ARHGAP17: variants seen among roughly 807,000 people sequenced by gnomAD.
ARHGAP17 encodes rho GTPase-activating protein 17.
ARHGAP17 carries 57 observed loss-of-function variants against 99.5 expected under a neutral mutation model. The observed-to-expected ratio is 0.57, with a 90% CI of 0.46 to 0.71. The LOEUF is 0.71. Ranked by LOEUF, ARHGAP17 falls within the 30% of genes least tolerant of loss-of-function variation. The pLI, the probability that ARHGAP17 is intolerant of heterozygous loss-of-function variation, is 0.00. For synonymous variants in ARHGAP17, 417 were observed against 429.6 expected, an observed-to-expected ratio of 0.97 and a Z score of 0.36; for missense variants, 1,000 against 1,122.4, an observed-to-expected ratio of 0.89 and a Z score of 1.56.
chr16:24,920,815 T>A (rs1383215603), intron 19 of ARHGAP17: 3 of 152,776 alleles, frequency 2.0e-5, no homozygotes, highest in Non-Finnish European at 4.4e-5. Context: ...CTCCTGTACA[T>A]CACAGATCAC....
At chr16:24,999,724 C>T (rs1597481591) in intron 1 of ARHGAP17, among the ~76,000 whole-genome samples, 1 of 152,196 alleles carries the variant, frequency 6.6e-6, no homozygotes, top group South Asian at 2.1e-4. Context: ...CACCTACAGG[C>T]TATCTTTTAT....
intron 7 of ARHGAP17, among the ~76,000 whole-genome samples, chr16:24,961,515 A>G: frequency 7.4e-6 from 1 of 135,258 alleles, no homozygotes; most frequent in African/African-American, 2.9e-5. Context: ...AAAAAAAAAA[A>G]AAATTTTTTT....
intron 1 of ARHGAP17, among the ~76,000 whole-genome samples, chr16:24,993,210 ATT>A (rs1337259764): frequency 2.6e-5 from 4 of 152,134 alleles, no homozygotes; most frequent in Admixed American, 1.3e-4. Flanking sequence ...TTTATACATT[ATT>A]TTCTGTTATG....
chr16:24,967,359 G>T (rs996981050), intron 6 of ARHGAP17, among the ~76,000 whole-genome samples: 3 of 152,204 alleles, frequency 2.0e-5, no homozygotes, highest in African/African-American at 4.8e-5. Context: ...GGGAGCAACT[G>T]GGTTGCAGCA....
rs1597362575 is a variant in ARHGAP17 at position 24,930,922 on chromosome 16, T to C, written c.2377A>G (p.Thr793Ala). The C allele has an allele frequency of 6.2e-7, 1 of 1,613,854 alleles. No individual in the cohort carries two copies. Among genetic ancestry groups the C allele is most frequent in the East Asian group, 2.2e-5 (1 of 44,864 alleles). The change falls in exon 19 of 20, where the codon ACC (threonine) becomes GCC (alanine). Residue 793 changes from threonine to alanine, a missense_variant. Transcript: ENST00000289968. ...GGTACTGGTCTCGGTCTCGGTAAGG[T>C]TCCAGCATGTGGCTGTGCAGTTTCA... ...NPETAQPHAG[T>A]LPRPRPVPKP...
intron 3 of ARHGAP17, among the ~76,000 whole-genome samples, chr16:24,972,365 C>T (rs1202920603): frequency 6.6e-6 from 1 of 152,186 alleles, no homozygotes; most frequent in Non-Finnish European, 1.5e-5. Context: ...TTACTCATTT[C>T]CCCTCTCCCC....
intron 17 of ARHGAP17, chr16:24,936,116 A>G (rs1181767684): frequency 4.0e-6 from 1 of 249,976 alleles, no homozygotes; most frequent in African/African-American, 2.3e-5. Flanking sequence ...TGGCTTTTAC[A>G]TGTTGACATA....
chr16:24,978,788 C>T (rs2052590088), intron 2 of ARHGAP17, among the ~76,000 whole-genome samples, 178 bp downstream of exon 2: 1 of 146,280 alleles, frequency 6.8e-6, no homozygotes, highest in African/African-American at 2.6e-5. Context: ...GTTTCAGATC[C>T]CCTTTTCATC....
chr16:24,942,265 G>T, intron 15 of ARHGAP17, 122 bp from the exon 16 acceptor site: 2 of 1,010,670 alleles, frequency 2.0e-6, no homozygotes. Context: ...CTATTTCAAA[G>T]TGGAAGCTCC....
chr16:24,971,509 GC>G (rs2052361884), intron 3 of ARHGAP17, among the ~76,000 whole-genome samples: 1 of 151,746 alleles, frequency 6.6e-6, no homozygotes, highest in South Asian at 2.1e-4. Flanking sequence ...TGTACTTTTA[GC>G]AGAAACAGGG....
intron 8 of ARHGAP17, 44 bp downstream of exon 8, chr16:24,959,867 C>CATTTTA (rs761855287): frequency 6.8e-6 from 11 of 1,608,278 alleles, no homozygotes; most frequent in Non-Finnish European, 1.7e-6. Context: ...AAAATGACTC[C>CATTTTA]ATTTTAACAA....
intron 18 of ARHGAP17, among the ~76,000 whole-genome samples, chr16:24,932,831 CCT>C (rs2051033133): frequency 6.6e-6 from 1 of 151,810 alleles, no homozygotes; most frequent in Admixed American, 6.6e-5. Flanking sequence ...GAGATTTTAG[CCT>C]TTTTCAAACT....
intron 1 of ARHGAP17, among the ~76,000 whole-genome samples, chr16:25,004,973 G>C (rs1270786469): frequency 1.3e-5 from 2 of 152,220 alleles, no homozygotes; most frequent in Non-Finnish European, 2.9e-5. Context: ...GGAGTGCAGT[G>C]GTGCGATCTT....
chr16:24,943,223 C>T (rs7200439), intron 15 of ARHGAP17, among the ~76,000 whole-genome samples: 50 of 152,376 alleles, frequency 3.3e-4, no homozygotes, highest in African/African-American at 1.2e-3. Flanking sequence ...ACAGCCAACT[C>T]AGGCCTTCAC....
chr16:24,975,888 T>A (rs145579741), intron 3 of ARHGAP17, among the ~76,000 whole-genome samples: 7 of 152,252 alleles, frequency 4.6e-5, no homozygotes, highest in African/African-American at 1.7e-4. Flanking sequence ...AACTGAACGC[T>A]CTGAACAAGT....
chr16:24,942,218 T>C, intron 15 of ARHGAP17, 75 bp from the exon 16 acceptor site: 1 of 1,453,080 alleles, frequency 6.9e-7, no homozygotes, highest in Non-Finnish European at 9.3e-7. Context: ...CACCCCTCAT[T>C]GGAACGGGAA....
chr16:24,984,412 A>T (rs998805830), intron 1 of ARHGAP17, among the ~76,000 whole-genome samples: 1 of 152,162 alleles, frequency 6.6e-6, no homozygotes, highest in Non-Finnish European at 1.5e-5. Context: ...CACGCCTGTA[A>T]TCCCAGCAGT....
intron 12 of ARHGAP17, among the ~76,000 whole-genome samples, chr16:24,950,860 A>T (rs1270260065): frequency 6.6e-6 from 1 of 150,568 alleles, no homozygotes; most frequent in Non-Finnish European, 1.5e-5. Flanking sequence ...AAAAAAAAAG[A>T]AAAAAGCTCA....
intron 1 of ARHGAP17, among the ~76,000 whole-genome samples, chr16:25,008,069 T>C (rs903019450): frequency 6.6e-6 from 1 of 152,208 alleles, no homozygotes; most frequent in Non-Finnish European, 1.5e-5. Flanking sequence ...TTTCCAACCT[T>C]TGGGAATATG....
Sources: allele counts gnomAD v4.1 joint callset (sites outside exome capture counted in the v4.1 genomes callset), GRCh38; gene constraint gnomAD v4.1.1; transcripts MANE v1.5; gene names NCBI Gene and HGNC (gene_info 2026-07-23, HGNC 2026-07-21).